NEDD4L: variants seen among roughly 807,000 people sequenced by gnomAD.
The protein encoded by NEDD4L is NEDD4 like E3 ubiquitin protein ligase.
A neutral mutation model predicts 148.9 loss-of-function variants in NEDD4L; 54 were observed. The observed-to-expected ratio is 0.36, with a 90% CI of 0.29 to 0.45. The LOEUF is 0.45. Ranked by LOEUF, NEDD4L falls within the 20% of genes least tolerant of loss-of-function variation. NEDD4L has a pLI of 1.00. For missense variants in NEDD4L, 856 were observed against 1,233.8 expected (o/e 0.69, Z 4.59); for synonymous variants, 433 against 440.7 (o/e 0.98, Z 0.22).
chr18:58,186,755 G>C (rs933925017), intron 2 of NEDD4L, among the ~76,000 whole-genome samples: 2 of 152,230 alleles, frequency 1.3e-5, no homozygotes, highest in East Asian at 3.9e-4. Context: ...CGGTATGCTT[G>C]CATAGACTCT....
At chr18:58,318,932 C>T (rs2058532072) in intron 6 of NEDD4L, among the ~76,000 whole-genome samples, 1 of 152,164 alleles carries the variant, frequency 6.6e-6, no homozygotes, top group Admixed American at 6.5e-5. Context: ...AGTCATGTGC[C>T]ACTTAAGACA....
At chr18:58,313,678 A>G (rs2057947773) in intron 5 of NEDD4L, among the ~76,000 whole-genome samples, 1 of 152,248 alleles carries the variant, frequency 6.6e-6, no homozygotes, top group Non-Finnish European at 1.5e-5. Context: ...GGTTGTTGCG[A>G]GAACTAGACG....
At chr18:58,289,278 A>T (rs1037837703) in intron 5 of NEDD4L, among the ~76,000 whole-genome samples, 4 of 152,070 alleles carry the variant, frequency 2.6e-5, no homozygotes, top group Non-Finnish European at 5.9e-5. Context: ...GTTGCGTGAG[A>T]GGGGCTGAGG....
intron 2 of NEDD4L, among the ~76,000 whole-genome samples, chr18:58,191,461 A>G (rs2147191957): frequency 6.6e-6 from 1 of 152,338 alleles, no homozygotes; most frequent in East Asian, 1.9e-4. Context: ...TTCAGAATCC[A>G]GAGGTTTGTT....
chr18:58,135,964 C>T (rs1470398590), intron 1 of NEDD4L, among the ~76,000 whole-genome samples: 2 of 152,210 alleles, frequency 1.3e-5, no homozygotes, highest in Non-Finnish European at 2.9e-5. Flanking sequence ...AAGCTGAACG[C>T]TTGCTCCCCC....
intron 2 of NEDD4L, among the ~76,000 whole-genome samples, chr18:58,187,408 G>A (rs1156547301): frequency 8.5e-5 from 13 of 152,184 alleles, no homozygotes; most frequent in Admixed American, 8.5e-4. Flanking sequence ...GCAGAGGGCA[G>A]GGACCGGGGA....
At chr18:58,202,289 C>T (rs2041500279) in intron 2 of NEDD4L, among the ~76,000 whole-genome samples, 1 of 152,220 alleles carries the variant, frequency 6.6e-6, no homozygotes, top group Non-Finnish European at 1.5e-5. Context: ...TGTTCCCTGC[C>T]TGGCAGGTGA....
chr18:58,310,746 C>A (rs1211882106), intron 5 of NEDD4L, among the ~76,000 whole-genome samples: 1 of 152,154 alleles, frequency 6.6e-6, no homozygotes, highest in Non-Finnish European at 1.5e-5. Context: ...TCTGTAATGC[C>A]AAAGCTGGCG....
chr18:58,053,698 T>C (rs1184778614), intron 1 of NEDD4L, among the ~76,000 whole-genome samples: 2 of 152,238 alleles, frequency 1.3e-5, no homozygotes, highest in Non-Finnish European at 2.9e-5. Context: ...GGATCATGTC[T>C]TATAATGTAT....
intron 1 of NEDD4L, among the ~76,000 whole-genome samples, chr18:58,067,879 C>T (rs1015950748): frequency 2.6e-5 from 4 of 152,062 alleles, no homozygotes; most frequent in Non-Finnish European, 5.9e-5. Context: ...GTATCTGTGT[C>T]GAGGTTGGGA....
chr18:58,214,234 T>C (rs1257551187), intron 2 of NEDD4L, among the ~76,000 whole-genome samples: 4 of 152,242 alleles, frequency 2.6e-5, no homozygotes, highest in African/African-American at 7.2e-5. Context: ...TTTGTTTCTT[T>C]TGAATTTCTG....
At chr18:58,279,833 C>T (rs1003875367) in intron 5 of NEDD4L, among the ~76,000 whole-genome samples, 8 of 152,188 alleles carry the variant, frequency 5.3e-5, no homozygotes, top group Non-Finnish European at 1.2e-4. Flanking sequence ...TCTGAATGTA[C>T]ATTAGACACA....
At chr18:58,182,315 T>TA (rs1401142015) in intron 2 of NEDD4L, among the ~76,000 whole-genome samples, 1 of 152,160 alleles carries the variant, frequency 6.6e-6, no homozygotes, top group Non-Finnish European at 1.5e-5. Context: ...CTCTTAATGT[T>TA]ACAAATACCA....
At position 58,044,419 on chromosome 18, in the gene NEDD4L, C is replaced by A. The variant is rs2081479949; in HGVS notation, c.-242C>A. The A allele has an allele frequency of 2.9e-5, 9 of 311,476 alleles. No individual in the cohort carries two copies. Among genetic ancestry groups the A allele is most frequent in the Non-Finnish European group, 5.5e-6 (1 of 180,716 alleles). The allele number at this position is 311,476 out of a possible 1,614,324, so 19.3% of individuals were successfully genotyped here. On this transcript the variant is annotated 5_prime_UTR_variant, in exon 1 of 31. Coordinates refer to ENST00000400345, the MANE Select transcript of NEDD4L (RefSeq NM_001144967.3). Reference sequence around the variant, plus strand: ...GCCGGGGCTGCCGCCCGGTGCTCGGCGCGCTCTCGGGAGCCGCCCGCCCGC... The same window carrying A: ...GCCGGGGCTGCCGCCCGGTGCTCGGAGCGCTCTCGGGAGCCGCCCGCCCGC...
intron 5 of NEDD4L, among the ~76,000 whole-genome samples, chr18:58,271,464 A>G (rs2031538518): frequency 6.6e-6 from 1 of 152,202 alleles, no homozygotes; most frequent in African/African-American, 2.4e-5. Context: ...GGTAATGGCT[A>G]CCTTTCCTCT....
intron 1 of NEDD4L, among the ~76,000 whole-genome samples, chr18:58,148,024 A>G (rs4149593): frequency 0.14 from 20,675 of 150,902 alleles, 1,495 homozygotes; most frequent in Middle Eastern, 0.24. Context: ...ACAGGACTCA[A>G]GGAGTCCACC....
intron 2 of NEDD4L, among the ~76,000 whole-genome samples, chr18:58,225,248 T>TCTC (rs1476853461): frequency 6.6e-6 from 1 of 152,174 alleles, no homozygotes; most frequent in Admixed American, 6.5e-5. Flanking sequence ...GATATTGCCA[T>TCTC]TAAAAGTTGA....
intron 2 of NEDD4L, among the ~76,000 whole-genome samples, chr18:58,168,852 C>G (rs2037194934): frequency 6.6e-6 from 1 of 152,198 alleles, no homozygotes; most frequent in Non-Finnish European, 1.5e-5. Context: ...TCTGGGACTC[C>G]AACTCCTTTG....
intron 12 of NEDD4L, 94 bp from the exon 13 acceptor site, chr18:58,335,384 T>C: frequency 9.9e-7 from 1 of 1,012,070 alleles, no homozygotes; most frequent in Non-Finnish European, 1.6e-6. Flanking sequence ...TCACGTCACC[T>C]GCCTTACAGC....
Sources: allele counts gnomAD v4.1 joint callset (sites outside exome capture counted in the v4.1 genomes callset), GRCh38; gene constraint gnomAD v4.1.1; transcripts MANE v1.5; gene names NCBI Gene and HGNC (gene_info 2026-07-23, HGNC 2026-07-21).